KIAA0930: variants seen among roughly 807,000 people sequenced by gnomAD.
The protein encoded by KIAA0930 is uncharacterized protein KIAA0930.
Under a neutral mutation model 43.9 loss-of-function variants are expected in KIAA0930, and 24 were observed. The observed-to-expected ratio is 0.55, with a 90% CI of 0.40 to 0.77. The LOEUF is 0.77. KIAA0930 is among the 30% of genes least tolerant of loss of function. The pLI, the probability that KIAA0930 is intolerant of heterozygous loss-of-function variation, is 0.00. For missense variants in KIAA0930, 461 were observed against 574.2 expected, an observed-to-expected ratio of 0.80 and a Z score of 2.02; for synonymous variants, 259 against 216.4, an observed-to-expected ratio of 1.20 and a Z score of -1.73.
Position 45,197,915 on chromosome 22 carries a change from C to T in KIAA0930, c.1049G>A (p.Arg350Gln), listed in dbSNP as rs748553582. 8.1e-6 allele frequency: 13 copies of T among 1,614,024 alleles called. No homozygotes were observed. The highest frequency in any genetic ancestry group is 5.5e-5 in the South Asian group (5 of 91,088). Reference protein sequence around the residue: ...DLHNATNLRSRSLSGTGRSLV... With the variant: ...DLHNATNLRSQSLSGTGRSLV... ...GGACCGTCCTGTGCCCGACAGGGACCGAGACCGCAGGTTGGTTGCATTGTG... is the reference window on the plus strand; with the variant it reads ...GGACCGTCCTGTGCCCGACAGGGACTGAGACCGCAGGTTGGTTGCATTGTG... Residue 350 changes from arginine (R) to glutamine (Q), a missense_variant, in exon 9 of 10, where the codon CGG becomes CAG. Arg to Gln is a conservative substitution (Grantham distance 43). Coordinates refer to ENST00000336156, the MANE Select transcript of KIAA0930 (RefSeq NM_001009880.2).
In KIAA0930 at chr22:45,240,855, G is replaced by GCCA. The variant is rs1274856555; in HGVS notation, c.-155_-153dup. 2.8e-4 allele frequency: 1 copy of GCCA among 3,548 alleles called. No homozygotes were observed. Among genetic ancestry groups the GCCA allele is most frequent in the Non-Finnish European group, 6.7e-4 (1 of 1,500 alleles). 0.2% of individuals were successfully genotyped at this position (3,548 alleles called of 1,614,324 possible). On this transcript the variant is annotated 5_prime_UTR_variant, in exon 1 of 10. Coordinates refer to ENST00000336156, the MANE Select transcript of KIAA0930 (RefSeq NM_001009880.2). ...GCGCGTCGCCGTCGCCGCCGCCGCCGCCACCACCCGCCAAACACAGCACCG... is the reference window on the plus strand; with the variant it reads ...GCGCGTCGCCGTCGCCGCCGCCGCCGCCACCACCACCCGCCAAACACAGCACCG...
At chr22:45,200,947 AGTTCGCCAG>A in intron 7 of KIAA0930, 1 of 498,894 alleles carries the variant, frequency 2.0e-6, no homozygotes, top group Non-Finnish European at 4.2e-6. Context: ...GACGAGTAGG[AGTTCGCCAG>A]GTGAAGAAGG....
Position 45,234,091 on chromosome 22 carries a change from C to T in KIAA0930, c.64+6549G>A, listed in dbSNP as rs146253140. Among the ~76,000 whole-genome samples the T allele has an allele frequency of 4.4e-4, 67 of 152,288 alleles. No individual in the cohort carries two copies. In the East Asian group the frequency reaches 0.011, roughly 25 times the overall value. Reference sequence around the variant, plus strand: ...GAGAGGCTGGTTGAATTCTGAGACCCGGGGGCCTTGGCAGAGGCCGGGCAC... The same window carrying T: ...GAGAGGCTGGTTGAATTCTGAGACCTGGGGGCCTTGGCAGAGGCCGGGCAC... On this transcript the variant is annotated intron_variant, in intron 1 of 9. Coordinates refer to ENST00000336156, the MANE Select transcript of KIAA0930 (RefSeq NM_001009880.2).
At chr22:45,198,816 AT>A (rs1407388413) in intron 8 of KIAA0930, among the ~76,000 whole-genome samples, 3 of 151,916 alleles carry the variant, frequency 2.0e-5, no homozygotes, top group Non-Finnish European at 4.4e-5. Flanking sequence ...TGCCCGGCTA[AT>A]TTTTTGTATT....
Position 45,197,364 on chromosome 22 carries a change from T to C in KIAA0930, c.1175-148A>G, listed in dbSNP as rs549442212. On this transcript the variant is annotated intron_variant, in intron 9 of 9. Coordinates refer to ENST00000336156, the MANE Select transcript of KIAA0930 (RefSeq NM_001009880.2). ...CCTCACAGACTGCAGAGGAGACGTG[T>C]CTCCACCATCCTCACCCTGCAGACT... The C allele has an allele frequency of 4.4e-6, 3 of 686,600 alleles. No individual in the cohort carries two copies. The Admixed American group carries it at 9.0e-5, about 21-fold the overall frequency. 42.5% of individuals were successfully genotyped at this position (686,600 alleles called of 1,614,324 possible).
chr22:45,212,637 C>T lies in KIAA0930; in HGVS notation c.65-530G>A, dbSNP rs548185006. 62 of 1,087,982 alleles carry T rather than the reference C, an allele frequency of 5.7e-5. No homozygotes were observed. In the Admixed American group the frequency reaches 1.5e-3, roughly 26 times the overall value. The allele number at this position is 1,087,982 out of a possible 1,614,324, so 67.4% of individuals were successfully genotyped here. A position where few individuals can be genotyped will look rare whatever the true frequency, so the allele number is the denominator to read the frequency against. ...GGGAACCGCAGGGAGACAGCACCCGCCCCACCCCTGCCCCACGTCTGCGCA... is the reference window on the plus strand; with the variant it reads ...GGGAACCGCAGGGAGACAGCACCCGTCCCACCCCTGCCCCACGTCTGCGCA... On this transcript the variant is annotated intron_variant, in intron 1 of 9. Coordinates refer to ENST00000336156, the MANE Select transcript of KIAA0930 (RefSeq NM_001009880.2).
intron 1 of KIAA0930, among the ~76,000 whole-genome samples, chr22:45,233,458 C>T (rs1363429101): frequency 6.6e-6 from 1 of 152,176 alleles, no homozygotes; most frequent in Non-Finnish European, 1.5e-5. Context: ...AGTCGGTAGG[C>T]CTGGGTGGGA....
At chr22:45,205,553 G>T in intron 4 of KIAA0930, 77 bp downstream of exon 4, 1 of 1,384,020 alleles carries the variant, frequency 7.2e-7, no homozygotes. Context: ...GAAGCAAGCA[G>T]GAGGACTTGT....
Position 45,226,271 on chromosome 22 carries a change from T to C in KIAA0930, c.65-14164A>G, listed in dbSNP as rs976600881. 4.7e-5 allele frequency: 22 copies of C among 471,012 alleles called. No homozygotes were observed. In the East Asian group the frequency reaches 1.5e-3, roughly 31 times the overall value. The allele number at this position is 471,012 out of a possible 1,614,324, so 29.2% of individuals were successfully genotyped here. ...CACATGTGTGACCACCTAACAGCCA[T>C]TTTACAGTTAAGGAAACCGAGACCT... is the stretch of plus-strand genomic sequence containing the variant. On this transcript the variant is annotated intron_variant, in intron 1 of 9. Coordinates refer to ENST00000336156, the MANE Select transcript of KIAA0930 (RefSeq NM_001009880.2).
At chr22:45,215,619 T>C (rs978628265) in intron 1 of KIAA0930, among the ~76,000 whole-genome samples, 1 of 152,234 alleles carries the variant, frequency 6.6e-6, no homozygotes, top group African/African-American at 2.4e-5. Flanking sequence ...CCAATCTTTT[T>C]AAACGATGGC....
chr22:45,209,247 C>G (rs909492), intron 2 of KIAA0930, among the ~76,000 whole-genome samples: 76,749 of 152,014 alleles, frequency 0.5, 20,657 homozygotes, highest in African/African-American at 0.69. Context: ...TAGCCAGGCT[C>G]CCGCAGAGGA....
At chr22:45,229,589 G>T (rs540772261) in intron 1 of KIAA0930, among the ~76,000 whole-genome samples, 1 of 152,178 alleles carries the variant, frequency 6.6e-6, no homozygotes, top group Non-Finnish European at 1.5e-5. Flanking sequence ...TTCCACCAAC[G>T]GGTCAGGAAG....
chr22:45,225,396 T>C (rs2083792630), intron 1 of KIAA0930, among the ~76,000 whole-genome samples: 1 of 152,152 alleles, frequency 6.6e-6, no homozygotes, highest in South Asian at 2.1e-4. Context: ...GCGTGGGGTC[T>C]CCACGTTGCG....
intron 1 of KIAA0930, among the ~76,000 whole-genome samples, chr22:45,222,923 GACA>G (rs2083776065): frequency 6.6e-6 from 1 of 152,102 alleles, no homozygotes. Flanking sequence ...CAAAATACCT[GACA>G]ACACTTCAGG....
At chr22:45,213,405 G>C in intron 1 of KIAA0930, 15 of 1,301,138 alleles carry the variant, frequency 1.2e-5, no homozygotes, top group Non-Finnish European at 1.4e-5. Context: ...TGAGGGTCTG[G>C]GTCAGCGAGC....
chr22:45,205,583 C>G, intron 4 of KIAA0930, 47 bp downstream of exon 4: 2 of 1,575,438 alleles, frequency 1.3e-6, no homozygotes, highest in South Asian at 2.2e-5. Context: ...CCACGCCCAG[C>G]CTGAACTGGC....
At position 45,211,832 on chromosome 22, in the gene KIAA0930, T is replaced by C; in HGVS notation, c.216+124A>G. On this transcript the variant is annotated intron_variant, in intron 2 of 9. Transcript: ENST00000336156. ...TTCCTGGAATACAGTAGGTGCTCAA[T>C]AAATATCACTCACCCTCTTTGATAT... The C allele has an allele frequency of 4.0e-6, 4 of 992,516 alleles. No homozygotes were observed. In the South Asian group the frequency reaches 6.0e-5, roughly 15 times the overall value. 61.5% of individuals were successfully genotyped at this position (992,516 alleles called of 1,614,324 possible).
In KIAA0930 at chr22:45,197,094, C is replaced by A; in HGVS notation, c.*82G>T. The A allele has an allele frequency of 8.2e-7, 1 of 1,215,814 alleles. No individual in the cohort carries two copies. The highest frequency in any genetic ancestry group is 2.8e-5 in the Admixed American group (1 of 35,404). The allele number at this position is 1,215,814 out of a possible 1,614,324, so 75.3% of individuals were successfully genotyped here. Reference sequence around the variant, plus strand: ...CAGCACTGGCGTGCCATCGCAGACCCCGGTGGCGGTGGACAGGTAGGCACT... The same window carrying A: ...CAGCACTGGCGTGCCATCGCAGACCACGGTGGCGGTGGACAGGTAGGCACT... On this transcript the variant is annotated 3_prime_UTR_variant, in exon 10 of 10. Coordinates refer to ENST00000336156, the MANE Select transcript of KIAA0930 (RefSeq NM_001009880.2).
intron 1 of KIAA0930, among the ~76,000 whole-genome samples, chr22:45,222,279 T>G (rs529981520): frequency 6.6e-6 from 1 of 152,122 alleles, no homozygotes; most frequent in South Asian, 2.1e-4. Flanking sequence ...ATAAAAGCTA[T>G]TAAGGAGAAG....
Sources: gnomAD v4.1 joint callset for allele counts (sites outside exome capture counted in the v4.1 genomes callset) on GRCh38, gnomAD v4.1.1 for gene constraint, MANE v1.5 for transcripts, NCBI Gene and HGNC (gene_info 2026-07-23, HGNC 2026-07-21) for gene names.